Variants in CEP83 observed in about 807,000 individuals in gnomAD.
CEP83 encodes the protein centrosomal protein of 83 kDa.
A neutral mutation model predicts 101.9 loss-of-function variants in CEP83; 70 were observed. That is an observed-to-expected ratio of 0.69 (90% confidence interval 0.57 to 0.84). The LOEUF is 0.84. Among genes scored for constraint, CEP83 ranks in the 40% least tolerant of loss-of-function variants. CEP83 has a pLI of 0.00. For synonymous variants in CEP83, 264 were observed against 267.9 expected (o/e 0.99, Z 0.14); for missense variants, 715 against 787.2 (o/e 0.91, Z 1.10).
chr12:94,424,828 G>C, intron 2 of CEP83: 2 of 1,599,514 alleles, frequency 1.3e-6, no homozygotes. Context: ...CATTTCCATT[G>C]CTTCCACTAC....
chr12:94,444,603 T>C (rs1166734139), intron 1 of CEP83, among the ~76,000 whole-genome samples: 2 of 152,220 alleles, frequency 1.3e-5, no homozygotes, highest in African/African-American at 4.8e-5. Context: ...GTTTACTGAG[T>C]GCATCCTAAA....
chr12:94,366,727 T>A (rs1259544146), intron 11 of CEP83, among the ~76,000 whole-genome samples: 5 of 152,128 alleles, frequency 3.3e-5, no homozygotes, highest in African/African-American at 1.2e-4. Context: ...GAGTTGAGAT[T>A]TTGGTTTCTA....
intron 11 of CEP83, among the ~76,000 whole-genome samples, chr12:94,339,720 A>C (rs1399576984): frequency 6.6e-6 from 1 of 152,238 alleles, no homozygotes; most frequent in Non-Finnish European, 1.5e-5. Flanking sequence ...TAGCCTTCTT[A>C]TACCAACCTT....
intron 2 of CEP83, among the ~76,000 whole-genome samples, chr12:94,423,405 G>A (rs1440104077): frequency 6.7e-6 from 1 of 149,108 alleles, no homozygotes; most frequent in African/African-American, 2.5e-5. Context: ...AATTCTGTTT[G>A]CGCCACATTT....
At chr12:94,361,977 A>G (rs1236946244) in intron 11 of CEP83, among the ~76,000 whole-genome samples, 1 of 152,178 alleles carries the variant, frequency 6.6e-6, no homozygotes, top group Non-Finnish European at 1.5e-5. Context: ...CTGGGATTAC[A>G]GGTGTGAACC....
intron 1 of CEP83, among the ~76,000 whole-genome samples, chr12:94,443,868 A>T (rs992711053): frequency 1.3e-5 from 2 of 152,160 alleles, no homozygotes; most frequent in Non-Finnish European, 2.9e-5. Flanking sequence ...TTCCAAAGAA[A>T]CTATAAATTC....
At chr12:94,356,562 G>C (rs1276855270) in intron 11 of CEP83, among the ~76,000 whole-genome samples, 1 of 152,156 alleles carries the variant, frequency 6.6e-6, no homozygotes, top group Non-Finnish European at 1.5e-5. Context: ...TTAGAGGCTT[G>C]GCAGTTCCCT....
chr12:94,357,038 C>T (rs949339810), intron 11 of CEP83, among the ~76,000 whole-genome samples: 1 of 152,076 alleles, frequency 6.6e-6, no homozygotes, highest in Non-Finnish European at 1.5e-5. Flanking sequence ...AAAACAGGGA[C>T]CAAGGGAACC....
chr12:94,359,177 A>G lies in CEP83; in HGVS notation c.1343+8617T>C, dbSNP rs147773080. 6.3e-3 allele frequency among the ~76,000 whole-genome samples: 960 copies of G among 152,318 alleles called. 15 individuals are homozygous for G. Among genetic ancestry groups the G allele is most frequent in the African/African-American group, 0.022 (909 of 41,572 alleles). On this transcript the variant is annotated intron_variant, in intron 11 of 16. Transcript: ENST00000397809. The stretch of plus-strand genomic sequence containing the variant: ...TAAATATGTGGGTAAATCTCTGTTC[A>G]GGGCTCTCAGCTCTGAAGGTTGTGA...
chr12:94,302,922 C>T (rs182126438), downstream of CEP83, among the ~76,000 whole-genome samples: 1 of 152,188 alleles, frequency 6.6e-6, no homozygotes, highest in Admixed American at 6.5e-5. Context: ...TTTCTGGGTT[C>T]CACTTAAATT....
chr12:94,417,769 C>T (rs1439234433), intron 2 of CEP83, among the ~76,000 whole-genome samples: 2 of 152,028 alleles, frequency 1.3e-5, no homozygotes, highest in African/African-American at 4.8e-5. Flanking sequence ...GCCTGGGCAA[C>T]AGAGGAAGAC....
chr12:94,275,527 C>A, the CEP83 span, among the ~76,000 whole-genome samples: 2 of 152,176 alleles, frequency 1.3e-5, no homozygotes, highest in Non-Finnish European at 2.9e-5. Context: ...AAGAGGCTGA[C>A]CCCAAGGGCC....
intron 12 of CEP83, 22 bp from the exon 13 acceptor site, chr12:94,333,661 T>C (rs1478540915): frequency 3.1e-6 from 5 of 1,606,836 alleles, no homozygotes; most frequent in Non-Finnish European, 4.2e-6. Flanking sequence ...AGAAAGAAGA[T>C]AAATTAAAGC....
intron 4 of CEP83, among the ~76,000 whole-genome samples, chr12:94,403,976 G>A (rs1223345660): frequency 6.6e-6 from 1 of 151,344 alleles, no homozygotes; most frequent in East Asian, 1.9e-4. Context: ...TCCAAATATT[G>A]TATTCAAAAT....
chr12:94,408,600 G>C (rs1466007705), intron 4 of CEP83, among the ~76,000 whole-genome samples: 1 of 151,616 alleles, frequency 6.6e-6, no homozygotes, highest in East Asian at 1.9e-4. Context: ...TTTTTTTTGA[G>C]TCAGGGTCTC....
At chr12:94,445,958 T>C (rs1163873820) in intron 1 of CEP83, among the ~76,000 whole-genome samples, 1 of 152,314 alleles carries the variant, frequency 6.6e-6, no homozygotes, top group African/African-American at 2.4e-5. Context: ...ATACAAATTA[T>C]TGTAAAATGA....
At chr12:94,379,180 T>G in intron 6 of CEP83, 138 bp from the exon 7 acceptor site, 1 of 704,222 alleles carries the variant, frequency 1.4e-6, no homozygotes, top group Non-Finnish European at 2.3e-6. Context: ...AGGAAAAAAT[T>G]TTAAGTATCA....
chr12:94,359,260 C>A (rs924215353), intron 11 of CEP83, among the ~76,000 whole-genome samples: 1 of 152,124 alleles, frequency 6.6e-6, no homozygotes, highest in African/African-American at 2.4e-5. Context: ...GTCTCTAATC[C>A]CTCTAGTGCC....
intron 2 of CEP83, chr12:94,424,900 T>C (rs2065065468): frequency 1.2e-6 from 2 of 1,600,344 alleles, no homozygotes; most frequent in African/African-American, 1.3e-5. Context: ...ATGACACATA[T>C]GGCTTCTTGT....
Sources: gnomAD v4.1 joint callset for allele counts (sites outside exome capture counted in the v4.1 genomes callset) on GRCh38, gnomAD v4.1.1 for gene constraint, MANE v1.5 for transcripts, NCBI Gene and HGNC (gene_info 2026-07-23, HGNC 2026-07-21) for gene names.